The following PRDM5 variants were observed in gnomAD, a reference collection of about 807,000 sequenced individuals.
PRDM5 encodes the protein PR domain zinc finger protein 5.
A neutral mutation model predicts 81.2 loss-of-function variants in PRDM5; 56 were observed. That is an observed-to-expected ratio of 0.69 (90% CI 0.56 to 0.86). The LOEUF (loss-of-function observed/expected upper bound fraction) is 0.86. Ranked by LOEUF, PRDM5 falls within the 40% of genes least tolerant of loss-of-function variation. PRDM5 has a pLI of 0.00. For missense variants in PRDM5, 697 were observed against 770.1 expected, an observed-to-expected ratio of 0.91 and a Z score of 1.12; for synonymous variants, 267 against 256.4, an observed-to-expected ratio of 1.04 and a Z score of -0.39.
chr4:120,784,926 C>T, intron 11 of PRDM5, 72 bp downstream of exon 11: 1 of 1,216,494 alleles, frequency 8.2e-7, no homozygotes, highest in Non-Finnish European at 1.2e-6. Context: ...GGGATGTCTA[C>T]ATTCTCAAAG....
In PRDM5 at chr4:120,854,159, C is replaced by T. The variant is rs181049293; in HGVS notation, c.178-619G>A. The stretch of plus-strand genomic sequence containing the variant: ...TCTCTGATTTTTGTCTCAGACCATA[C>T]GCTCTCATTGCTCAGGCCTACTCTA... On this transcript the variant is annotated intron_variant, in intron 2 of 15. Coordinates refer to ENST00000264808, the MANE Select transcript of PRDM5 (RefSeq NM_018699.4). Among the ~76,000 whole-genome samples, 15 of 152,248 alleles carry T rather than the reference C, an allele frequency of 9.9e-5. No homozygotes were observed. In the South Asian group the frequency reaches 1.9e-3, roughly 19 times the overall value.
intron 15 of PRDM5, among the ~76,000 whole-genome samples, chr4:120,702,659 C>A (rs145090934): frequency 2.0e-5 from 3 of 152,110 alleles, no homozygotes; most frequent in East Asian, 3.9e-4. Flanking sequence ...ATATAAGTAC[C>A]CCCAAAGACT....
intron 12 of PRDM5, among the ~76,000 whole-genome samples, chr4:120,778,492 C>T (rs1302549463): frequency 6.6e-6 from 1 of 152,124 alleles, no homozygotes; most frequent in East Asian, 1.9e-4. Flanking sequence ...AACTTGTTAA[C>T]ATTAACATAA....
chr4:120,902,706 A>T (rs1175384209), intron 2 of PRDM5, among the ~76,000 whole-genome samples: 2 of 152,232 alleles, frequency 1.3e-5, no homozygotes, highest in African/African-American at 2.4e-5. Flanking sequence ...GAGGTGATCA[A>T]GAAGGATTAA....
At chr4:120,703,875 T>C (rs759806625) in intron 15 of PRDM5, among the ~76,000 whole-genome samples, 1 of 152,014 alleles carries the variant, frequency 6.6e-6, no homozygotes, top group Non-Finnish European at 1.5e-5. Flanking sequence ...CAAACAGAGA[T>C]ATGTGAGCTC....
chr4:120,713,586 T>C (rs961341294), intron 14 of PRDM5, among the ~76,000 whole-genome samples: 3 of 152,232 alleles, frequency 2.0e-5, no homozygotes, highest in African/African-American at 7.2e-5. Flanking sequence ...TTATTATCTC[T>C]ATTTCTTTCC....
chr4:120,689,325 T>C (rs1049176399), downstream of PRDM5, among the ~76,000 whole-genome samples: 2 of 152,092 alleles, frequency 1.3e-5, no homozygotes, highest in African/African-American at 4.8e-5. Context: ...ATACTGCAGC[T>C]GAAACAACAT....
chr4:120,753,565 G>A (rs529244726), intron 14 of PRDM5, among the ~76,000 whole-genome samples: 149 of 152,154 alleles, frequency 9.8e-4, no homozygotes, highest in Non-Finnish European at 2.0e-3. Context: ...GAAGGCTACA[G>A]TATTATTATA....
chr4:120,763,199 G>A (rs901566825), intron 13 of PRDM5, among the ~76,000 whole-genome samples: 4 of 152,118 alleles, frequency 2.6e-5, no homozygotes, highest in African/African-American at 9.7e-5. Flanking sequence ...GGACAGCCAC[G>A]TGCTCACGAA....
chr4:120,889,439 G>GT (rs1028525928), intron 2 of PRDM5, among the ~76,000 whole-genome samples: 4 of 151,840 alleles, frequency 2.6e-5, no homozygotes, highest in Non-Finnish European at 5.9e-5. Context: ...CTCCAGTTTT[G>GT]TTTTTTTACT....
intron 3 of PRDM5, among the ~76,000 whole-genome samples, chr4:120,843,865 T>C (rs1187074145): frequency 1.3e-5 from 2 of 152,162 alleles, no homozygotes; most frequent in Non-Finnish European, 2.9e-5. Flanking sequence ...CACAGTACAG[T>C]AAGACTTCTT....
intron 1 of PRDM5, among the ~76,000 whole-genome samples, chr4:120,912,434 G>A (rs1766626959): frequency 6.6e-6 from 1 of 152,124 alleles, no homozygotes; most frequent in Non-Finnish European, 1.5e-5. Flanking sequence ...ATGTAATCAG[G>A]TAAATCCAGA....
At position 120,694,738 on chromosome 4, in the gene PRDM5, C is replaced by T. The variant is rs1031637666; in HGVS notation, c.*373G>A. The T allele has an allele frequency of 1.2e-5, 2 of 172,126 alleles. No individual in the cohort carries two copies. Among genetic ancestry groups the T allele is most frequent in the Non-Finnish European group, 2.7e-5 (2 of 73,230 alleles). 10.7% of individuals were successfully genotyped at this position (172,126 alleles called of 1,614,324 possible). ...GCACACACACAGACACATACAGACA[C>T]ACAGACACACAGACACACAAAGAAT... is the stretch of plus-strand genomic sequence containing the variant. On this transcript the variant is annotated 3_prime_UTR_variant, in exon 16 of 16. Transcript: ENST00000264808.
intron 3 of PRDM5, among the ~76,000 whole-genome samples, chr4:120,846,353 A>G (rs1052339629): frequency 2.6e-5 from 4 of 152,214 alleles, no homozygotes; most frequent in Admixed American, 2.6e-4. Context: ...TTATTTAAGA[A>G]ATTACCACAG....
chr4:120,897,899 T>A (rs1271440415), intron 2 of PRDM5, among the ~76,000 whole-genome samples: 2 of 152,246 alleles, frequency 1.3e-5, no homozygotes, highest in African/African-American at 4.8e-5. Flanking sequence ...AAAGTCCACA[T>A]CTGCCAACTC....
chr4:120,776,727 A>G (rs2149225227), intron 13 of PRDM5, among the ~76,000 whole-genome samples: 1 of 152,262 alleles, frequency 6.6e-6, no homozygotes, highest in South Asian at 2.1e-4. Context: ...TTTAGGAAGT[A>G]ACCTGTGGCA....
At chr4:120,770,564 G>C (rs1244854150) in intron 13 of PRDM5, among the ~76,000 whole-genome samples, 1 of 151,534 alleles carries the variant, frequency 6.6e-6, no homozygotes, top group Non-Finnish European at 1.5e-5. Flanking sequence ...AGATGCAGGG[G>C]AAACAGTTCA....
intron 14 of PRDM5, among the ~76,000 whole-genome samples, chr4:120,728,445 A>C (rs998667504): frequency 6.6e-6 from 1 of 152,112 alleles, no homozygotes; most frequent in Non-Finnish European, 1.5e-5. Flanking sequence ...GTGTGTGTAT[A>C]TATACATATA....
intron 3 of PRDM5, chr4:120,839,403 G>A (rs1757738067): frequency 1.5e-6 from 1 of 657,870 alleles, no homozygotes; most frequent in Non-Finnish European, 2.8e-6. Flanking sequence ...GTATACCAAT[G>A]AGCATTCAGG....
Sources: gnomAD v4.1 joint callset for allele counts (sites outside exome capture counted in the v4.1 genomes callset) on GRCh38, gnomAD v4.1.1 for gene constraint, MANE v1.5 for transcripts, NCBI Gene and HGNC (gene_info 2026-07-23, HGNC 2026-07-21) for gene names.